The following CCDC122 variants were observed in gnomAD, a reference collection of about 807,000 sequenced individuals.
The protein encoded by CCDC122 is coiled-coil domain containing 122, also known as coiled-coil domain-containing protein 122.
Under a neutral mutation model 37.0 loss-of-function variants are expected in CCDC122, and 38 were observed. The ratio of observed to expected loss-of-function variants is 1.03; its 90% confidence interval spans 0.79 to 1.35. CCDC122 has a LOEUF of 1.35. Ranked by LOEUF, CCDC122 falls within the 40% of genes most tolerant of loss-of-function variation. The pLI is 0.00. For missense variants in CCDC122, 305 were observed against 310.0 expected (o/e 0.98, Z 0.12); for synonymous variants, 83 against 95.6 (o/e 0.87, Z 0.77).
chr13:43,878,280 A>G (rs1198726460), intron 1 of CCDC122: 1 of 152,226 alleles, frequency 6.6e-6, no homozygotes, highest in Non-Finnish European at 1.5e-5. Flanking sequence ...CCTTTGCACC[A>G]ATCTAATGAT....
chr13:43,864,076 GTTC>G (rs1954198210), intron 4 of CCDC122, among the ~76,000 whole-genome samples: 1 of 152,008 alleles, frequency 6.6e-6, no homozygotes, highest in Non-Finnish European at 1.5e-5. Flanking sequence ...ATATCCAATT[GTTC>G]TTCTACCATT....
In CCDC122 at chr13:43,837,243, T is replaced by G. The variant is rs1017443954; in HGVS notation, c.*37A>C. On this transcript the variant is annotated 3_prime_UTR_variant, in exon 7 of 7. Coordinates refer to ENST00000444614, the MANE Select transcript of CCDC122 (RefSeq NM_144974.5). ...TAATGTTCTGTCCAGTAATTTTTGT[T>G]GTCATGGTCTGTGTTCCACATTGCC... 1.9e-6 allele frequency: 3 copies of G among 1,572,624 alleles called. No homozygotes were observed. Among genetic ancestry groups the G allele is most frequent in the African/African-American group, 1.4e-5 (1 of 72,616 alleles).
At chr13:43,871,709 T>G (rs1954458158) in intron 2 of CCDC122, among the ~76,000 whole-genome samples, 1 of 152,134 alleles carries the variant, frequency 6.6e-6, no homozygotes, top group Non-Finnish European at 1.5e-5. Context: ...ACCTTTTGGC[T>G]TTAACTGAAG....
At chr13:43,875,695 A>G (rs2153881090) in intron 1 of CCDC122, among the ~76,000 whole-genome samples, 1 of 152,332 alleles carries the variant, frequency 6.6e-6, no homozygotes, top group Non-Finnish European at 1.5e-5. Context: ...TACTGGATTA[A>G]TAACTGGCAT....
chr13:43,824,612 A>G (rs1953022380), intron 3 of CCDC122, among the ~76,000 whole-genome samples: 1 of 152,216 alleles, frequency 6.6e-6, no homozygotes, highest in African/African-American at 2.4e-5. Flanking sequence ...AACAGAGTAA[A>G]CAATCTACAG....
chr13:43,825,452 A>G (rs1023473211), intron 3 of CCDC122, among the ~76,000 whole-genome samples: 4 of 150,916 alleles, frequency 2.7e-5, no homozygotes, highest in African/African-American at 9.7e-5. Context: ...ACACAGACAT[A>G]AAGATAGAGA....
intron 6 of CCDC122, among the ~76,000 whole-genome samples, chr13:43,849,475 GAA>G (rs1953653346): frequency 6.6e-6 from 1 of 152,184 alleles, no homozygotes; most frequent in Non-Finnish European, 1.5e-5. Flanking sequence ...TTGGAGAGAA[GAA>G]GGCAAACTGT....
intron 4 of CCDC122, 43 bp downstream of exon 4, chr13:43,868,651 T>C (rs1222549428): frequency 3.0e-6 from 3 of 1,015,562 alleles, no homozygotes; most frequent in Non-Finnish European, 4.2e-6. Flanking sequence ...CATTTACTTT[T>C]GAAGAAAGTA....
In CCDC122 at chr13:43,837,275, C is replaced by A; in HGVS notation, c.*5G>T. 2 of 1,612,790 alleles carry A rather than the reference C, an allele frequency of 1.2e-6. No individual in the cohort carries two copies. The highest frequency in any genetic ancestry group is 1.7e-6 in the Non-Finnish European group (2 of 1,179,542). The stretch of plus-strand genomic sequence containing the variant: ...GTCTGTGTTCCACATTGCCCTATGG[C>A]AATGTTACTCTTGCATTCCAATGCA... On this transcript the variant is annotated 3_prime_UTR_variant, in exon 7 of 7. Coordinates refer to ENST00000444614, the MANE Select transcript of CCDC122 (RefSeq NM_144974.5).
intron 6 of CCDC122, among the ~76,000 whole-genome samples, chr13:43,839,577 A>G (rs201454375): frequency 6.7e-6 from 1 of 148,430 alleles, no homozygotes; most frequent in Admixed American, 7.7e-5. Context: ...TTTTGTGTGA[A>G]TATATGTTTT....
chr13:43,858,862 A>G lies in CCDC122; in HGVS notation c.591T>C (p.Thr197=). The G allele has an allele frequency of 7.1e-7, 1 of 1,410,092 alleles. No homozygotes were observed. Among genetic ancestry groups the G allele is most frequent in the Non-Finnish European group, 9.5e-7 (1 of 1,048,648 alleles). 87.3% of individuals were successfully genotyped at this position (1,410,092 alleles called of 1,614,324 possible). A position where few individuals can be genotyped will look rare whatever the true frequency, so the allele number is the denominator to read the frequency against. Residue 197 remains threonine (T), a synonymous_variant, in exon 6 of 7, where the codon ACT becomes ACC. Coordinates refer to ENST00000444614, the MANE Select transcript of CCDC122 (RefSeq NM_144974.5). The part of the protein sequence containing the change: ...DITNLKDKII[T]VKESIIEKTC... ...TTTTTTCAATGATAGATTCTTTTAC[A>G]GTTATAATTTTATCCTTTAAGTTTG...
chr13:43,843,963 A>G (rs192514749), intron 6 of CCDC122, among the ~76,000 whole-genome samples: 117 of 151,694 alleles, frequency 7.7e-4, no homozygotes, highest in African/African-American at 2.6e-3. Flanking sequence ...CAGTATTGCT[A>G]TGGGTTTCTC....
intron 6 of CCDC122, among the ~76,000 whole-genome samples, chr13:43,843,039 A>G (rs1953407954): frequency 6.6e-6 from 1 of 151,876 alleles, no homozygotes; most frequent in South Asian, 2.1e-4. Flanking sequence ...ATTGATTAGG[A>G]CCTCCAGAAT....
chr13:43,869,372 G>A lies in CCDC122; in HGVS notation c.5C>T (p.Ser2Leu). Residue 2 changes from serine (S) to leucine (L), a missense_variant, in exon 3 of 7, where the codon TCA (serine) becomes TTA (leucine). Ser to Leu is a moderately radical substitution (Grantham distance 145). Transcript: ENST00000444614. ...TTGACTCTTCCTTTCTTTGTTGTCT[G>A]ACATTTTCTGTGTCTGTAATCTCTT... M[S>L]DNKERKSQGF... is the part of the protein sequence containing the mutation. 1 of 1,606,316 alleles carries A rather than the reference G, an allele frequency of 6.2e-7. No individual in the cohort carries two copies. The highest frequency in any genetic ancestry group is 8.5e-7 in the Non-Finnish European group (1 of 1,175,086).
intron 3 of CCDC122, among the ~76,000 whole-genome samples, chr13:43,826,661 AG>A (rs1953044042): frequency 6.6e-6 from 1 of 152,198 alleles, no homozygotes; most frequent in African/African-American, 2.4e-5. Context: ...ATCAACTAAT[AG>A]GATATTGTAA....
intron 6 of CCDC122, chr13:43,855,364 CA>C (rs1340122025): frequency 5.9e-4 from 8 of 13,542 alleles, no homozygotes; most frequent in Non-Finnish European, 1.1e-3. Context: ...TCACAGTTGC[CA>C]CACACACACA....
intron 6 of CCDC122, 68 bp downstream of exon 6, chr13:43,858,713 T>C: frequency 9.0e-7 from 1 of 1,115,492 alleles, no homozygotes; most frequent in Non-Finnish European, 1.2e-6. Context: ...ACTATGGAAA[T>C]ATGAATATAG....
chr13:43,876,269 A>G (rs1954608154), intron 1 of CCDC122, among the ~76,000 whole-genome samples: 1 of 152,256 alleles, frequency 6.6e-6, no homozygotes, highest in Admixed American at 6.5e-5. Context: ...CATCTGCTAC[A>G]TGGCTTTTTC....
chr13:43,850,633 G>A (rs948183474), intron 6 of CCDC122, among the ~76,000 whole-genome samples: 6 of 152,104 alleles, frequency 3.9e-5, no homozygotes, highest in African/African-American at 1.4e-4. Flanking sequence ...GAACAAAAGG[G>A]AGAAAATAGA....
Sources: gnomAD v4.1 joint callset for allele counts (sites outside exome capture counted in the v4.1 genomes callset) on GRCh38, gnomAD v4.1.1 for gene constraint, MANE v1.5 for transcripts, NCBI Gene and HGNC (gene_info 2026-07-23, HGNC 2026-07-21) for gene names.